The following FRMD4A variants were observed in gnomAD, a reference collection of about 807,000 sequenced individuals.
FRMD4A encodes the protein FERM domain-containing protein 4A.
Under a neutral mutation model 129.1 loss-of-function variants are expected in FRMD4A, and 29 were observed. The ratio of observed to expected loss-of-function variants is 0.22; its 90% CI spans 0.17 to 0.31. FRMD4A has a LOEUF of 0.31. Ranked by LOEUF, FRMD4A falls within the 10% of genes least tolerant of loss-of-function variation. The pLI is 1.00. For synonymous variants in FRMD4A, 634 were observed against 571.6 expected (o/e 1.11, Z -1.56); for missense variants, 1,272 against 1,375.8 (o/e 0.92, Z 1.19).
intron 2 of FRMD4A, among the ~76,000 whole-genome samples, chr10:14,019,459 A>G (rs1267130336): frequency 2.6e-5 from 4 of 152,226 alleles, no homozygotes; most frequent in Admixed American, 2.6e-4. Context: ...TTCATAATAA[A>G]ACTGAATTTT....
chr10:13,768,894 T>A (rs2092369820), intron 6 of FRMD4A, among the ~76,000 whole-genome samples: 1 of 152,176 alleles, frequency 6.6e-6, no homozygotes. Flanking sequence ...TATTATTTAT[T>A]TCTGCTGATG....
chr10:13,693,635 C>G, intron 15 of FRMD4A: 1 of 664,516 alleles, frequency 1.5e-6, no homozygotes, highest in Non-Finnish European at 2.4e-6. Context: ...TACCTGAAGA[C>G]ACTTAAGTGT....
intron 2 of FRMD4A, among the ~76,000 whole-genome samples, chr10:14,219,471 T>C (rs1012750763): frequency 1.3e-5 from 2 of 152,166 alleles, no homozygotes; most frequent in African/African-American, 4.8e-5. Context: ...GTAATATAAC[T>C]CTTCCTATTC....
At chr10:14,312,566 TTTATAA>T (rs1846588074) in intron 2 of FRMD4A, among the ~76,000 whole-genome samples, 1 of 152,170 alleles carries the variant, frequency 6.6e-6, no homozygotes, top group Non-Finnish European at 1.5e-5. Context: ...TGCAGGATAG[TTTATAA>T]TTATAAAATA....
chr10:13,674,817 G>A lies in FRMD4A; in HGVS notation c.1251+94C>T, dbSNP rs2083834803. The A allele has an allele frequency of 5.1e-6, 7 of 1,364,510 alleles. No homozygotes were observed. In the Admixed American group the frequency reaches 1.0e-4, roughly 20 times the overall value. 84.5% of individuals were successfully genotyped at this position (1,364,510 alleles called of 1,614,324 possible). On this transcript the variant is annotated intron_variant, in intron 16 of 24. Coordinates refer to ENST00000357447, the MANE Select transcript of FRMD4A (RefSeq NM_018027.5). Reference sequence around the variant, plus strand: ...CTGTCAAAACGATCAAATGACATCAGTCAAATGACATCAAAAAGATCAAAT... The same window carrying A: ...CTGTCAAAACGATCAAATGACATCAATCAAATGACATCAAAAAGATCAAAT...
At chr10:13,711,109 AG>A (rs949752362) in intron 12 of FRMD4A, among the ~76,000 whole-genome samples, 10 of 152,272 alleles carry the variant, frequency 6.6e-5, no homozygotes, top group Admixed American at 1.3e-4. Flanking sequence ...CTTAGGAGGG[AG>A]GGGGTGAGCT....
At chr10:13,705,349 C>T (rs986055683) in intron 13 of FRMD4A, among the ~76,000 whole-genome samples, 14 of 152,168 alleles carry the variant, frequency 9.2e-5, no homozygotes, top group African/African-American at 2.7e-4. Flanking sequence ...ACAGAGAACA[C>T]GAACACACAT....
At chr10:13,687,760 C>T (rs1372997965) in intron 15 of FRMD4A, among the ~76,000 whole-genome samples, 1 of 152,184 alleles carries the variant, frequency 6.6e-6, no homozygotes, top group Admixed American at 6.5e-5. Flanking sequence ...ACCCTGCCTG[C>T]TCCCCCTCCA....
At chr10:13,974,391 C>T (rs61323235) in intron 2 of FRMD4A, among the ~76,000 whole-genome samples, 10,112 of 152,096 alleles carry the variant, frequency 0.066, 572 homozygotes, top group African/African-American at 0.14. Flanking sequence ...GAATCGGAGC[C>T]TGGTGACACC....
chr10:13,694,856 G>C (rs1589414814), intron 14 of FRMD4A, among the ~76,000 whole-genome samples: 2 of 149,592 alleles, frequency 1.3e-5, no homozygotes, highest in African/African-American at 4.9e-5. Context: ...AAAAAAAAAA[G>C]AGAGAAATGA....
intron 2 of FRMD4A, among the ~76,000 whole-genome samples, chr10:14,247,235 C>T (rs1844274559): frequency 6.7e-6 from 1 of 150,010 alleles, no homozygotes. Flanking sequence ...CGCTTCCATC[C>T]TGGTGGAAGT....
intron 2 of FRMD4A, among the ~76,000 whole-genome samples, chr10:13,979,810 T>C (rs2095554377): frequency 6.6e-6 from 1 of 152,192 alleles, no homozygotes; most frequent in African/African-American, 2.4e-5. Flanking sequence ...TGAATGAAAC[T>C]ATGTATGTTC....
Position 14,070,720 on chromosome 10 carries a change from T to TG in FRMD4A, c.46-211809_46-211808insC, listed in dbSNP as rs565214362. On this transcript the variant is annotated intron_variant, in intron 2 of 24. Transcript: ENST00000357447. ...AATAGATGTTTATTTAACATCTTTC[T>TG]ATTAAGTGCTGGTTGTGTGCTAGAC... 7.7e-4 allele frequency among the ~76,000 whole-genome samples: 118 copies of TG among 152,366 alleles called. 1 individual carries two copies. Among genetic ancestry groups the TG allele is most frequent in the Middle Eastern group, 6.8e-3 (2 of 294 alleles).
chr10:13,801,510 G>A (rs976568955), intron 4 of FRMD4A, among the ~76,000 whole-genome samples: 2 of 152,212 alleles, frequency 1.3e-5, no homozygotes, highest in African/African-American at 4.8e-5. Context: ...CTGAAGGAAG[G>A]AGGTCAGCTG....
intron 2 of FRMD4A, among the ~76,000 whole-genome samples, chr10:14,073,816 T>A (rs886786670): frequency 6.6e-6 from 1 of 152,146 alleles, no homozygotes; most frequent in Non-Finnish European, 1.5e-5. Flanking sequence ...TCACCAAAAG[T>A]TCCTTTTAAA....
chr10:14,185,627 T>G (rs1367382912), intron 2 of FRMD4A, among the ~76,000 whole-genome samples: 6 of 152,076 alleles, frequency 3.9e-5, no homozygotes, highest in Admixed American at 2.0e-4. Context: ...GATATATACT[T>G]CATGGTCAGA....
At chr10:13,923,323 G>A (rs1313564779) in intron 2 of FRMD4A, among the ~76,000 whole-genome samples, 5 of 152,160 alleles carry the variant, frequency 3.3e-5, no homozygotes, top group Non-Finnish European at 5.9e-5. Flanking sequence ...ACCCATGACC[G>A]TTATGATGTC....
chr10:13,678,104 TTTGGCCCTGAGTTCCA>T (rs1473279084), intron 15 of FRMD4A, among the ~76,000 whole-genome samples: 1 of 152,196 alleles, frequency 6.6e-6, no homozygotes, highest in East Asian at 1.9e-4. Flanking sequence ...TTAGTTAAGA[TTTGGCCCTGAGTTCCA>T]GGGCTCATTA....
intron 8 of FRMD4A, among the ~76,000 whole-genome samples, chr10:13,754,864 C>G (rs2091789581): frequency 6.6e-6 from 1 of 152,146 alleles, no homozygotes; most frequent in Non-Finnish European, 1.5e-5. Context: ...AAGTCTATTT[C>G]TCGTACCATA....
Sources: gnomAD v4.1 joint callset for allele counts (sites outside exome capture counted in the v4.1 genomes callset) on GRCh38, gnomAD v4.1.1 for gene constraint, MANE v1.5 for transcripts, NCBI Gene and HGNC (gene_info 2026-07-23, HGNC 2026-07-21) for gene names.